CREB5: variants seen among roughly 807,000 people sequenced by gnomAD.
CREB5 encodes cyclic AMP-responsive element-binding protein 5.
In CREB5, 19 loss-of-function variants were observed where a neutral mutation model predicts 57.1. The observed-to-expected ratio is 0.33, with a 90% CI of 0.23 to 0.49. The LOEUF (loss-of-function observed/expected upper bound fraction) is 0.49, where lower values mean the gene tolerates loss of function less well. CREB5 is among the 20% of genes least tolerant of loss of function. The pLI, the probability that CREB5 is intolerant of heterozygous loss-of-function variation, is 0.99. For synonymous variants in CREB5, 238 were observed against 238.3 expected (o/e 1.00, Z 0.01); for missense variants, 579 against 671.6 (o/e 0.86, Z 1.52).
intron 5 of CREB5, among the ~76,000 whole-genome samples, chr7:28,604,528 C>T (rs746213464): frequency 5.9e-5 from 9 of 152,034 alleles, no homozygotes; most frequent in Non-Finnish European, 1.2e-4. Flanking sequence ...TTGCTTCTTT[C>T]ATTGGTCAGA....
intron 7 of CREB5, among the ~76,000 whole-genome samples, chr7:28,772,319 G>A (rs1806371499): frequency 6.6e-6 from 1 of 152,192 alleles, no homozygotes; most frequent in African/African-American, 2.4e-5. Context: ...AGGGTGACCT[G>A]GGCAGCCCAA....
At chr7:28,705,922 C>T (rs1385675308) in intron 5 of CREB5, among the ~76,000 whole-genome samples, 1 of 152,170 alleles carries the variant, frequency 6.6e-6, no homozygotes, top group Non-Finnish European at 1.5e-5. Flanking sequence ...AATGAACAGA[C>T]ACAGACATTT....
intron 4 of CREB5, among the ~76,000 whole-genome samples, chr7:28,518,969 A>G (rs781690494): frequency 3.9e-5 from 6 of 152,190 alleles, no homozygotes; most frequent in African/African-American, 4.8e-5. Flanking sequence ...ATACATCAAG[A>G]TCTGAAGAAT....
At chr7:28,422,080 G>A (rs556607414) in intron 1 of CREB5, among the ~76,000 whole-genome samples, 4 of 152,136 alleles carry the variant, frequency 2.6e-5, no homozygotes, top group African/African-American at 7.2e-5. Context: ...GAAAATTTTG[G>A]AGACAGATCA....
chr7:28,332,843 C>T (rs920654174), intron 1 of CREB5, among the ~76,000 whole-genome samples: 9 of 152,084 alleles, frequency 5.9e-5, no homozygotes. Context: ...GTATGGATTC[C>T]TATAATGTAT....
intron 5 of CREB5, among the ~76,000 whole-genome samples, chr7:28,586,043 T>C (rs1244374151): frequency 1.3e-5 from 2 of 152,228 alleles, no homozygotes; most frequent in African/African-American, 4.8e-5. Flanking sequence ...TCCTGGGTTT[T>C]CTGTTTCTCA....
chr7:28,724,071 A>T, intron 6 of CREB5, 151 bp from the exon 7 acceptor site: 1 of 610,750 alleles, frequency 1.6e-6, no homozygotes, highest in Non-Finnish European at 2.8e-6. Flanking sequence ...AAGGCTCAGG[A>T]GGGCATTGCT....
At chr7:28,610,134 C>T (rs764380189) in intron 5 of CREB5, among the ~76,000 whole-genome samples, 7 of 151,876 alleles carry the variant, frequency 4.6e-5, no homozygotes, top group Non-Finnish European at 7.4e-5. Flanking sequence ...TCCTTCTGGG[C>T]CCTGGGGTAC....
At chr7:28,630,038 C>A (rs1286564962) in intron 5 of CREB5, among the ~76,000 whole-genome samples, 1 of 152,230 alleles carries the variant, frequency 6.6e-6, no homozygotes, top group Admixed American at 6.5e-5. Context: ...TGGCTACCCA[C>A]CTTCTGCCCC....
At chr7:28,440,748 A>C (rs1789153500) in intron 1 of CREB5, among the ~76,000 whole-genome samples, 3 of 152,146 alleles carry the variant, frequency 2.0e-5, no homozygotes, top group Non-Finnish European at 4.4e-5. Context: ...TTTGGGCTGG[A>C]AGTGTTTTAT....
chr7:28,604,269 A>C (rs1797032148), intron 5 of CREB5, among the ~76,000 whole-genome samples: 1 of 152,126 alleles, frequency 6.6e-6, no homozygotes, highest in Admixed American at 6.6e-5. Flanking sequence ...GATAAATTCC[A>C]TTTCTTTTTC....
chr7:28,347,868 C>T (rs889782807), intron 1 of CREB5, among the ~76,000 whole-genome samples: 2 of 152,158 alleles, frequency 1.3e-5, no homozygotes, highest in Non-Finnish European at 2.9e-5. Context: ...GGAGCACATT[C>T]GAATTCCCTA....
At chr7:28,722,464 T>A (rs1320187817) in intron 6 of CREB5, among the ~76,000 whole-genome samples, 1 of 152,212 alleles carries the variant, frequency 6.6e-6, no homozygotes, top group Non-Finnish European at 1.5e-5. Context: ...TTTAGAGCAA[T>A]GAAACTCTTG....
chr7:28,599,604 CT>C (rs1562520408), intron 5 of CREB5, among the ~76,000 whole-genome samples: 2 of 152,158 alleles, frequency 1.3e-5, no homozygotes, highest in African/African-American at 2.4e-5. Flanking sequence ...CCATGCGCCC[CT>C]ATGTGTATAA....
intron 5 of CREB5, 76 bp from the exon 6 acceptor site, chr7:28,718,677 C>T (rs1262709950): frequency 7.0e-6 from 11 of 1,572,604 alleles, no homozygotes; most frequent in East Asian, 2.3e-5. Context: ...CATTGTTGTC[C>T]CTGCTGTTCT....
At chr7:28,560,879 C>CGTGTGTGTGCGT (rs1215492156) in intron 4 of CREB5, among the ~76,000 whole-genome samples, 11 of 22,054 alleles carry the variant, frequency 5.0e-4, no homozygotes, top group Admixed American at 1.2e-3. Context: ...CGTGCGCGTG[C>CGTGTGTGTGCGT]GTGCGTGCGT....
chr7:28,623,570 C>A (rs1248765621), intron 5 of CREB5, among the ~76,000 whole-genome samples: 8 of 152,096 alleles, frequency 5.3e-5, no homozygotes, highest in Non-Finnish European at 1.2e-4. Context: ...ACTTACAGAT[C>A]AAGATTTATT....
chr7:28,671,671 A>C (rs1800045566), intron 5 of CREB5, among the ~76,000 whole-genome samples: 1 of 152,210 alleles, frequency 6.6e-6, no homozygotes, highest in Non-Finnish European at 1.5e-5. Flanking sequence ...AGTGGCCTCA[A>C]AGAAAAAGCA....
At position 28,822,090 on chromosome 7, in the gene CREB5, T is replaced by C. The variant is rs1331266047; in HGVS notation, c.*2811T>C. 6.6e-6 allele frequency: 1 copy of C among 152,332 alleles called. No individual in the cohort carries two copies. Among genetic ancestry groups the C allele is most frequent in the East Asian group, 1.9e-4 (1 of 5,202 alleles). The allele number at this position is 152,332 out of a possible 1,614,324, so 9.4% of individuals were successfully genotyped here. A position where few individuals can be genotyped will look rare whatever the true frequency, so the allele number is the denominator to read the frequency against. ...CTGATGTGCATTATATATAGCTCAATTATGTCTGTTTTTTATGCTAAGTAG... is the reference window on the plus strand; with the variant it reads ...CTGATGTGCATTATATATAGCTCAACTATGTCTGTTTTTTATGCTAAGTAG... On this transcript the variant is annotated 3_prime_UTR_variant, in exon 11 of 11. Coordinates refer to ENST00000357727, the MANE Select transcript of CREB5 (RefSeq NM_182898.4).
Sources: allele counts gnomAD v4.1 joint callset (sites outside exome capture counted in the v4.1 genomes callset), GRCh38; gene constraint gnomAD v4.1.1; transcripts MANE v1.5; gene names NCBI Gene and HGNC (gene_info 2026-07-23, HGNC 2026-07-21).